SPON1: variants seen among roughly 807,000 people sequenced by gnomAD.
SPON1 encodes spondin 1, also known as spondin-1.
SPON1 carries 52 observed loss-of-function variants against 111.7 expected under a neutral mutation model. The ratio of observed to expected loss-of-function variants is 0.47; its 90% confidence interval spans 0.37 to 0.59. SPON1 has a LOEUF of 0.59. Ranked by LOEUF, SPON1 falls within the 20% of genes least tolerant of loss-of-function variation. SPON1 has a pLI of 0.00. For missense variants in SPON1, 957 were observed against 1,068.5 expected (o/e 0.90, Z 1.46); for synonymous variants, 410 against 395.8 (o/e 1.04, Z -0.43).
At chr11:14,177,329 T>A (rs1342388031) in intron 6 of SPON1, among the ~76,000 whole-genome samples, 1 of 152,146 alleles carries the variant, frequency 6.6e-6, no homozygotes, top group Non-Finnish European at 1.5e-5. Flanking sequence ...CATGAACCAC[T>A]GCAACCAGCC....
At chr11:14,090,786 C>G (rs1416063905) in intron 5 of SPON1, among the ~76,000 whole-genome samples, 1 of 147,702 alleles carries the variant, frequency 6.8e-6, no homozygotes, top group African/African-American at 2.5e-5. Flanking sequence ...CCGGTTGCCA[C>G]TGCTGGCTCC....
chr11:14,173,498 A>G (rs1159681306), intron 6 of SPON1, among the ~76,000 whole-genome samples: 2 of 152,098 alleles, frequency 1.3e-5, no homozygotes, highest in Non-Finnish European at 2.9e-5. Flanking sequence ...CAACTCGTCA[A>G]CATCATTCTC....
intron 6 of SPON1, among the ~76,000 whole-genome samples, chr11:14,210,373 C>CTTT (rs79378171): frequency 1.4e-3 from 187 of 133,732 alleles, no homozygotes; most frequent in African/African-American, 4.8e-3. Context: ...TTTCTTTTTC[C>CTTT]TTTTTTTTTT....
At chr11:13,975,132 C>T (rs1848092384) in intron 1 of SPON1, among the ~76,000 whole-genome samples, 1 of 151,196 alleles carries the variant, frequency 6.6e-6, no homozygotes, top group East Asian at 2.0e-4. Context: ...CTCCATAACA[C>T]ACTTTACATG....
intron 6 of SPON1, among the ~76,000 whole-genome samples, chr11:14,178,684 A>T (rs1848206902): frequency 6.6e-6 from 1 of 152,222 alleles, no homozygotes. Context: ...TGGTAAAGTA[A>T]TTCTTCACCA....
chr11:14,155,487 T>G (rs561438679), intron 6 of SPON1, among the ~76,000 whole-genome samples: 278 of 125,036 alleles, frequency 2.2e-3, no homozygotes, highest in Non-Finnish European at 3.3e-3. Flanking sequence ...CACATCTATT[T>G]TTTTATTTAT....
intron 14 of SPON1, among the ~76,000 whole-genome samples, chr11:14,261,143 G>C (rs1240966073): frequency 1.3e-5 from 2 of 152,098 alleles, no homozygotes; most frequent in East Asian, 3.8e-4. Flanking sequence ...CATGACCAGA[G>C]GCTGGACATT....
intron 6 of SPON1, among the ~76,000 whole-genome samples, chr11:14,160,492 TATTTACA>T (rs1847906041): frequency 6.5e-5 from 1 of 15,320 alleles, no homozygotes; most frequent in African/African-American, 2.3e-4. Flanking sequence ...TATATATATA[TATTTACA>T]TATATATATT....
rs181370997 is a variant in SPON1 at position 14,228,783 on chromosome 11, T to C, written c.826-14549T>C. 3.0e-3 allele frequency among the ~76,000 whole-genome samples: 463 copies of C among 152,300 alleles called. 1 individual carries two copies. Among genetic ancestry groups the C allele is most frequent in the African/African-American group, 0.011 (439 of 41,558 alleles). ...TCCACACTAACGCACAATAAAGTTG[T>C]ATAGGGCAACCGTGAGATGTGAAAA... On this transcript the variant is annotated intron_variant, in intron 6 of 15. Coordinates refer to ENST00000576479, the MANE Select transcript of SPON1 (RefSeq NM_006108.4). This position sits in a 1 kb window ranked among gnomAD's most constrained non-coding sequence, Gnocchi z 4.2.
At chr11:14,086,527 G>C (rs558816743) in intron 5 of SPON1, among the ~76,000 whole-genome samples, 1 of 152,266 alleles carries the variant, frequency 6.6e-6, no homozygotes, top group Non-Finnish European at 1.5e-5. Context: ...GCTTTTTGAT[G>C]TGCTGCTGGA....
chr11:14,074,372 T>C (rs1369835823), intron 3 of SPON1, among the ~76,000 whole-genome samples: 3 of 152,218 alleles, frequency 2.0e-5, no homozygotes, highest in African/African-American at 7.2e-5. Context: ...CATGCACACA[T>C]GGCCCCATTC....
chr11:14,041,776 A>T (rs1848633378), intron 3 of SPON1, 122 bp downstream of exon 3: 8 of 1,089,178 alleles, frequency 7.3e-6, no homozygotes, highest in Non-Finnish European at 1.0e-5. Context: ...GCCCTCCCTT[A>T]TCTGAATTCT....
At chr11:14,031,648 A>T (rs910635109) in intron 2 of SPON1, among the ~76,000 whole-genome samples, 8 of 79,244 alleles carry the variant, frequency 1.0e-4, no homozygotes, top group African/African-American at 4.2e-4. Context: ...AAAATTATTC[A>T]AACAGTGGAG....
rs544830897 is a variant in SPON1 at position 14,162,482 on chromosome 11, T to C, written c.825+26914T>C. Among the ~76,000 whole-genome samples the C allele has an allele frequency of 3.9e-5, 6 of 152,356 alleles. No individual in the cohort carries two copies. In the East Asian group the frequency reaches 1.2e-3, roughly 29 times the overall value. On this transcript the variant is annotated intron_variant, in intron 6 of 15. Coordinates refer to ENST00000576479, the MANE Select transcript of SPON1 (RefSeq NM_006108.4). Reference sequence around the variant, plus strand: ...CATGCCAATAATTTATCACCCCTGATTTCCAGTTTAGGCTTCTTGAAAATG... The same window carrying C: ...CATGCCAATAATTTATCACCCCTGACTTCCAGTTTAGGCTTCTTGAAAATG...
chr11:14,243,431 A>G (rs1848952058), intron 7 of SPON1, 35 bp downstream of exon 7: 1 of 1,548,360 alleles, frequency 6.5e-7, no homozygotes, highest in African/African-American at 1.4e-5. Flanking sequence ...GGCCTGTCTT[A>G]TCCTAGCCCC....
At chr11:14,087,307 C>G (rs185537317) in intron 5 of SPON1, among the ~76,000 whole-genome samples, 14 of 152,332 alleles carry the variant, frequency 9.2e-5, no homozygotes, top group Admixed American at 3.3e-4. Flanking sequence ...CCTCTTAACA[C>G]TGCTTTAGCT....
chr11:14,098,637 G>A (rs1295947732), intron 5 of SPON1, among the ~76,000 whole-genome samples: 1 of 143,744 alleles, frequency 7.0e-6, no homozygotes, highest in East Asian at 2.1e-4. Flanking sequence ...TCGAGCTGGT[G>A]CGTGATATGA....
At position 14,267,460 on chromosome 11, in the gene SPON1, A is replaced by G. The variant is rs1310117951; in HGVS notation, c.*1773A>G. The G allele has an allele frequency of 6.6e-6, 1 of 152,210 alleles. No individual in the cohort carries two copies. Among genetic ancestry groups the G allele is most frequent in the Non-Finnish European group, 1.5e-5 (1 of 68,026 alleles). The allele number at this position is 152,210 out of a possible 1,614,324, so 9.4% of individuals were successfully genotyped here. On this transcript the variant is annotated 3_prime_UTR_variant, in exon 16 of 16. Coordinates refer to ENST00000576479, the MANE Select transcript of SPON1 (RefSeq NM_006108.4). ...TCTACTTGGGGGGAAAAAAGTCCTC[A>G]TGTAGAAGCACCCACTTTTGCAATG...
intron 6 of SPON1, among the ~76,000 whole-genome samples, chr11:14,239,758 G>A (rs1403499157): frequency 1.3e-5 from 2 of 152,162 alleles, no homozygotes; most frequent in Admixed American, 6.5e-5. Context: ...CTAGTAAATG[G>A]TACCATTAGC....
Sources: allele counts gnomAD v4.1 joint callset (sites outside exome capture counted in the v4.1 genomes callset), GRCh38; gene constraint gnomAD v4.1.1; non-coding constraint Gnocchi (gnomAD v3.1); transcripts MANE v1.5; gene names NCBI Gene and HGNC (gene_info 2026-07-23, HGNC 2026-07-21).